The following KCNIP4 variants were observed in gnomAD, a reference collection of about 807,000 sequenced individuals.
KCNIP4 encodes the protein Kv channel-interacting protein 4.
KCNIP4 carries 12 observed loss-of-function variants against 34.0 expected under a neutral mutation model. The observed-to-expected ratio is 0.35, with a 90% CI of 0.23 to 0.57. The LOEUF is 0.57. Among genes scored for constraint, KCNIP4 ranks in the 20% least tolerant of loss-of-function variants. KCNIP4 has a pLI of 0.83. For missense variants in KCNIP4, 238 were observed against 311.7 expected, an observed-to-expected ratio of 0.76 and a Z score of 1.78; for synonymous variants, 124 against 102.2, an observed-to-expected ratio of 1.21 and a Z score of -1.29.
At chr4:21,942,158 G>T (rs1254885002) in intron 1 of KCNIP4, among the ~76,000 whole-genome samples, 1 of 152,270 alleles carries the variant, frequency 6.6e-6, no homozygotes, top group African/African-American at 2.4e-5. Context: ...GAGGAAATGG[G>T]TGTATATACA....
chr4:21,392,127 T>C (rs13113329), intron 1 of KCNIP4, among the ~76,000 whole-genome samples: 31,345 of 152,124 alleles, frequency 0.21, 3,694 homozygotes, highest in Middle Eastern at 0.31. Flanking sequence ...CTAATGACAA[T>C]AAATGGAAGG....
intron 1 of KCNIP4, among the ~76,000 whole-genome samples, chr4:21,264,052 C>T (rs1194693931): frequency 6.6e-6 from 1 of 151,896 alleles, no homozygotes; most frequent in African/African-American, 2.4e-5. Flanking sequence ...GGTGAAGGCT[C>T]TATTGAATCC....
chr4:21,677,167 T>A (rs901146371), intron 1 of KCNIP4, among the ~76,000 whole-genome samples: 1 of 152,150 alleles, frequency 6.6e-6, no homozygotes, highest in Non-Finnish European at 1.5e-5. Flanking sequence ...AGATTCTGAG[T>A]CCCTCAGACC....
intron 1 of KCNIP4, among the ~76,000 whole-genome samples, chr4:21,761,021 G>A (rs1256434733): frequency 6.6e-6 from 1 of 152,116 alleles, no homozygotes; most frequent in Non-Finnish European, 1.5e-5. Context: ...ATAACGTTTT[G>A]CACTTGTAAA....
At chr4:21,715,221 C>T (rs1714264136) in intron 1 of KCNIP4, among the ~76,000 whole-genome samples, 1 of 151,658 alleles carries the variant, frequency 6.6e-6, no homozygotes, top group African/African-American at 2.4e-5. Flanking sequence ...CCTGGGACTA[C>T]ACCAGGTTCA....
At chr4:21,767,630 G>C (rs1562815) in intron 1 of KCNIP4, among the ~76,000 whole-genome samples, 74,886 of 151,734 alleles carry the variant, frequency 0.49, 20,389 homozygotes, top group Non-Finnish European at 0.63. Flanking sequence ...ATCCTTACAA[G>C]TCTGTAATGA....
intron 1 of KCNIP4, among the ~76,000 whole-genome samples, chr4:21,733,647 C>CA (rs1460049882): frequency 6.6e-6 from 1 of 152,092 alleles, no homozygotes; most frequent in African/African-American, 2.4e-5. Context: ...TGAATATGTT[C>CA]ATGTCCTTAA....
chr4:21,916,044 T>C (rs1728612595), intron 1 of KCNIP4, among the ~76,000 whole-genome samples: 2 of 152,232 alleles, frequency 1.3e-5, no homozygotes, highest in South Asian at 4.1e-4. Flanking sequence ...TCAGATGGTA[T>C]AATTCGCTGT....
At chr4:20,829,202 A>G (rs1457298085) in intron 3 of KCNIP4, among the ~76,000 whole-genome samples, 2 of 88,100 alleles carry the variant, frequency 2.3e-5, no homozygotes, top group Non-Finnish European at 4.3e-5. Flanking sequence ...AAGTCCTTTT[A>G]TTTTTTATTT....
At chr4:21,347,998 G>T (rs756212190) in intron 1 of KCNIP4, among the ~76,000 whole-genome samples, 13 of 152,152 alleles carry the variant, frequency 8.5e-5, no homozygotes, top group Non-Finnish European at 1.5e-4. Flanking sequence ...CATACCTGCA[G>T]GCCGCTTAAG....
At chr4:21,145,844 C>A (rs1330664099) in intron 1 of KCNIP4, among the ~76,000 whole-genome samples, 1 of 152,174 alleles carries the variant, frequency 6.6e-6, no homozygotes, top group Non-Finnish European at 1.5e-5. Context: ...ATACCCACGC[C>A]TGACTAAAGA....
rs552172357 is a variant in KCNIP4 at position 21,785,453 on chromosome 4, G to T, written c.61+163118C>A. On this transcript the variant is annotated intron_variant, in intron 1 of 8. Coordinates refer to ENST00000382152, the MANE Select transcript of KCNIP4 (RefSeq NM_025221.6). ...TAAAAATACAAAAAATTAGCCAGGTGTGGTGGCGCATGTCTGTAATCCCAG... is the reference window on the plus strand; with the variant it reads ...TAAAAATACAAAAAATTAGCCAGGTTTGGTGGCGCATGTCTGTAATCCCAG... Among the ~76,000 whole-genome samples the T allele has an allele frequency of 2.3e-3, 348 of 152,078 alleles. 2 individuals are homozygous for T. Among genetic ancestry groups the T allele is most frequent in the African/African-American group, 8.1e-3 (336 of 41,482 alleles).
intron 1 of KCNIP4, among the ~76,000 whole-genome samples, chr4:21,659,273 C>T (rs974583463): frequency 1.3e-5 from 2 of 151,930 alleles, no homozygotes; most frequent in Non-Finnish European, 2.9e-5. Context: ...TTTTTAAAAA[C>T]CTAAATCTTG....
At chr4:21,301,243 C>T (rs912818462) in intron 1 of KCNIP4, among the ~76,000 whole-genome samples, 1 of 152,052 alleles carries the variant, frequency 6.6e-6, no homozygotes, top group African/African-American at 2.4e-5. Flanking sequence ...TTTTGAAGTA[C>T]ATGTATTCTA....
chr4:20,915,004 A>G (rs186053185), intron 1 of KCNIP4, among the ~76,000 whole-genome samples: 1 of 152,160 alleles, frequency 6.6e-6, no homozygotes, highest in African/African-American at 2.4e-5. Flanking sequence ...TGCTTACACA[A>G]CCTTGCAGTA....
At chr4:21,470,024 AGGACAGTAGGCATAATATTG>A (rs1408370107) in intron 1 of KCNIP4, among the ~76,000 whole-genome samples, 1 of 152,222 alleles carries the variant, frequency 6.6e-6, no homozygotes, top group East Asian at 1.9e-4. Flanking sequence ...AATAAAAATG[AGGACAGTAGGCATAATATTG>A]GGACTGTCTG....
intron 1 of KCNIP4, among the ~76,000 whole-genome samples, chr4:21,048,847 C>T (rs1306506613): frequency 6.6e-6 from 1 of 151,748 alleles, no homozygotes; most frequent in African/African-American, 2.4e-5. Context: ...TATCCTGAGT[C>T]CAGGAAGCAC....
intron 1 of KCNIP4, among the ~76,000 whole-genome samples, chr4:21,528,962 C>A (rs1030938258): frequency 2.0e-5 from 3 of 151,936 alleles, no homozygotes; most frequent in Non-Finnish European, 4.4e-5. Context: ...TGGCTTTCGG[C>A]CAATGAAAAG....
chr4:20,740,666 C>T (rs1489187536), intron 5 of KCNIP4, among the ~76,000 whole-genome samples: 1 of 152,196 alleles, frequency 6.6e-6, no homozygotes, highest in Non-Finnish European at 1.5e-5. Flanking sequence ...ACTGCATCAA[C>T]TAATGAGCAA....
Sources: allele counts gnomAD v4.1 joint callset (sites outside exome capture counted in the v4.1 genomes callset), GRCh38; gene constraint gnomAD v4.1.1; transcripts MANE v1.5; gene names NCBI Gene and HGNC (gene_info 2026-07-23, HGNC 2026-07-21).